Variants in CERS6 observed in about 807,000 individuals in gnomAD.
CERS6 encodes ceramide synthase 6.
CERS6 carries 26 observed loss-of-function variants against 56.8 expected under a neutral mutation model. The ratio of observed to expected loss-of-function variants is 0.46; its 90% CI spans 0.34 to 0.63. CERS6 has a LOEUF of 0.63. Among genes scored for constraint, CERS6 ranks in the 30% least tolerant of loss-of-function variants. CERS6 has a pLI of 0.01. For missense variants in CERS6, 415 were observed against 467.5 expected, an observed-to-expected ratio of 0.89 and a Z score of 1.04; for synonymous variants, 164 against 173.3, an observed-to-expected ratio of 0.95 and a Z score of 0.42.
At chr2:168,685,605 C>T (rs1047297138) in intron 4 of CERS6, among the ~76,000 whole-genome samples, 37 of 152,058 alleles carry the variant, frequency 2.4e-4, no homozygotes, top group African/African-American at 8.7e-4. Context: ...GATTTACTGA[C>T]ACTTAAAGAT....
intron 3 of CERS6, among the ~76,000 whole-genome samples, chr2:168,582,058 C>T (rs1405142502): frequency 1.3e-5 from 2 of 152,220 alleles, no homozygotes; most frequent in Non-Finnish European, 2.9e-5. Context: ...ACCACAACTT[C>T]TCATGGTGTT....
intron 8 of CERS6, among the ~76,000 whole-genome samples, chr2:168,763,178 CCTT>C (rs1684627379): frequency 2.6e-5 from 4 of 151,086 alleles, no homozygotes; most frequent in Admixed American, 2.6e-4. Context: ...CCTAGCCTCT[CCTT>C]TTTTCTTTTT....
At chr2:168,746,767 G>C (rs1475746692) in intron 8 of CERS6, among the ~76,000 whole-genome samples, 1 of 82,266 alleles carries the variant, frequency 1.2e-5, no homozygotes, top group Non-Finnish European at 2.3e-5. Context: ...GATTTAAAAG[G>C]GTAAAGGGTA....
At chr2:168,597,525 A>C (rs1273454291) in intron 3 of CERS6, among the ~76,000 whole-genome samples, 2 of 152,140 alleles carry the variant, frequency 1.3e-5, no homozygotes, top group Admixed American at 6.6e-5. Flanking sequence ...GGGTATGCTT[A>C]AGATATTGCC....
At chr2:168,478,488 T>C (rs942300242) in intron 1 of CERS6, among the ~76,000 whole-genome samples, 3 of 152,192 alleles carry the variant, frequency 2.0e-5, no homozygotes, top group Admixed American at 6.5e-5. Flanking sequence ...GTCAAACATT[T>C]CTGGCATTCT....
chr2:168,737,726 C>T (rs1253222380), intron 8 of CERS6, among the ~76,000 whole-genome samples: 2 of 152,190 alleles, frequency 1.3e-5, no homozygotes, highest in African/African-American at 2.4e-5. Flanking sequence ...AAGCAGCATT[C>T]AGGGAATGAG....
At chr2:168,716,376 A>C (rs576208759) in intron 7 of CERS6, among the ~76,000 whole-genome samples, 21 of 152,226 alleles carry the variant, frequency 1.4e-4, no homozygotes, top group Non-Finnish European at 1.8e-4. Flanking sequence ...AATCCTATAC[A>C]ATTAGCCAAC....
At chr2:168,632,548 G>A (rs1309120072) in intron 4 of CERS6, among the ~76,000 whole-genome samples, 1 of 152,162 alleles carries the variant, frequency 6.6e-6, no homozygotes, top group Non-Finnish European at 1.5e-5. Flanking sequence ...GATTTAGAAG[G>A]ATGAGTTTTA....
intron 8 of CERS6, among the ~76,000 whole-genome samples, chr2:168,733,239 G>T (rs1317854900): frequency 6.6e-6 from 1 of 152,128 alleles, no homozygotes; most frequent in Non-Finnish European, 1.5e-5. Flanking sequence ...ACTGTATTTT[G>T]CTGGCACTTT....
At chr2:168,657,605 G>C (rs549684357) in intron 4 of CERS6, among the ~76,000 whole-genome samples, 185 of 152,338 alleles carry the variant, frequency 1.2e-3, no homozygotes, top group Non-Finnish European at 1.9e-3. Flanking sequence ...GCCAAGGCCC[G>C]GCGAGAAATC....
rs77391805 is a variant in CERS6 at position 168,744,928 on chromosome 2, C to T, written c.846-20664C>T. On this transcript the variant is annotated intron_variant, in intron 8 of 9. Transcript: ENST00000305747. ...GGGATTGTTTAAAAATTCCAATGCC[C>T]AGGCTCCACCCCAGAATAATTAAAT... Among the ~76,000 whole-genome samples, 341 of 152,240 alleles carry T rather than the reference C, an allele frequency of 2.2e-3. 9 individuals carry two copies. The East Asian group carries it at 0.061, about 27-fold the overall frequency.
chr2:168,665,952 C>CGTGTGTGTGTG (rs1553505785), intron 4 of CERS6, among the ~76,000 whole-genome samples: 1 of 143,198 alleles, frequency 7.0e-6, no homozygotes, highest in African/African-American at 2.7e-5. Flanking sequence ...AATTAGTAGA[C>CGTGTGTGTGTG]TGTGTGTGTG....
Position 168,581,948 on chromosome 2 carries a change from C to T in CERS6, c.407+20626C>T, listed in dbSNP as rs550884740. Among the ~76,000 whole-genome samples, 4 of 152,270 alleles carry T rather than the reference C, an allele frequency of 2.6e-5. No homozygotes were observed. The South Asian group carries it at 6.2e-4, about 24-fold the overall frequency. ...GGACGATACCCCAGCCCAGGATCAC[C>T]CCAGACCAAGCACATGACTTACCAT... On this transcript the variant is annotated intron_variant, in intron 3 of 9. Coordinates refer to ENST00000305747, the MANE Select transcript of CERS6 (RefSeq NM_203463.3).
chr2:168,769,423 C>A, intron 9 of CERS6, 87 bp from the exon 10 acceptor site: 3 of 1,209,858 alleles, frequency 2.5e-6, no homozygotes, highest in Non-Finnish European at 3.4e-6. Context: ...TCTGTTTCCC[C>A]TTGTGTATGA....
chr2:168,720,460 T>C (rs1687334152), intron 8 of CERS6, among the ~76,000 whole-genome samples: 1 of 152,154 alleles, frequency 6.6e-6, no homozygotes, highest in African/African-American at 2.4e-5. Flanking sequence ...ACACATTTTC[T>C]GGGGTCTGAG....
chr2:168,631,616 A>T (rs1364438836), intron 4 of CERS6, among the ~76,000 whole-genome samples: 5 of 117,872 alleles, frequency 4.2e-5, no homozygotes, highest in Admixed American at 2.1e-4. Flanking sequence ...TAATATATTT[A>T]ATATTTATAT....
At chr2:168,531,884 A>G (rs565243418) in intron 1 of CERS6, among the ~76,000 whole-genome samples, 3 of 152,098 alleles carry the variant, frequency 2.0e-5, no homozygotes, top group South Asian at 2.1e-4. Context: ...TGTGAAAAGT[A>G]TGTTTCTTGT....
At chr2:168,668,968 T>A (rs1313431090) in intron 4 of CERS6, among the ~76,000 whole-genome samples, 1 of 152,200 alleles carries the variant, frequency 6.6e-6, no homozygotes, top group African/African-American at 2.4e-5. Context: ...ATGGGTACTG[T>A]AAACCATTGA....
chr2:168,751,946 A>G (rs1684281543), intron 8 of CERS6, among the ~76,000 whole-genome samples: 1 of 152,082 alleles, frequency 6.6e-6, no homozygotes, highest in African/African-American at 2.4e-5. Context: ...TAATAATTCT[A>G]CCTTAGTAAT....
Sources: gnomAD v4.1 joint callset for allele counts (sites outside exome capture counted in the v4.1 genomes callset) on GRCh38, gnomAD v4.1.1 for gene constraint, MANE v1.5 for transcripts, NCBI Gene and HGNC (gene_info 2026-07-23, HGNC 2026-07-21) for gene names.